Variants in MYO7B observed in about 807,000 individuals in gnomAD.
MYO7B encodes myosin VIIB.
In MYO7B, 212 loss-of-function variants were observed where a neutral mutation model predicts 259.7. That is an observed-to-expected ratio of 0.82 (90% CI 0.73 to 0.91). MYO7B has a LOEUF of 0.91. Ranked by LOEUF, MYO7B falls within the 40% of genes least tolerant of loss-of-function variation. The pLI, the probability that MYO7B is intolerant of heterozygous loss-of-function variation, is 0.00. For missense variants in MYO7B, 2,732 were observed against 2,813.5 expected, an observed-to-expected ratio of 0.97 and a Z score of 0.66; for synonymous variants, 1,197 against 1,166.4, an observed-to-expected ratio of 1.03 and a Z score of -0.54.
At chr2:127,621,257 T>TG (rs1387296708) in intron 27 of MYO7B, among the ~76,000 whole-genome samples, 1 of 150,982 alleles carries the variant, frequency 6.6e-6, no homozygotes, top group African/African-American at 2.4e-5. Flanking sequence ...TCTGCAATTT[T>TG]TTTTTTTGTT....
intron 1 of MYO7B, among the ~76,000 whole-genome samples, chr2:127,544,770 CG>C (rs1429785009): frequency 4.0e-5 from 6 of 151,888 alleles, no homozygotes; most frequent in Admixed American, 3.3e-4. Context: ...TTAGTAGAGA[CG>C]GGGTTTCACC....
rs752652973 is a variant in MYO7B at position 127,569,893 on chromosome 2, C to T, written c.575C>T (p.Ala192Val). 14 of 1,612,350 alleles carry T rather than the reference C, an allele frequency of 8.7e-6. No homozygotes were observed. The highest frequency in any genetic ancestry group is 1.2e-5 in the Non-Finnish European group (14 of 1,179,160). The stretch of plus-strand genomic sequence containing the variant: ...TGGATTGAGCAGCAGGTCCTGGAAG[C>T]CAACCCCATCCTGGAGGGTAAGCAT... ...HSWIEQQVLEANPILEAFGNA... is the reference protein window; with the variant it reads ...HSWIEQQVLEVNPILEAFGNA... Residue 192 changes from alanine (A) to valine (V), a missense_variant, in exon 6 of 48, where the codon GCC (alanine) becomes GTC (valine). Transcript: ENST00000409816.
chr2:127,559,880 C>A lies in MYO7B; in HGVS notation c.18+140C>A. 1 of 994,416 alleles carries A rather than the reference C, an allele frequency of 1.0e-6. No homozygotes were observed. Among genetic ancestry groups the A allele is most frequent in the Non-Finnish European group, 1.6e-6 (1 of 632,960 alleles). 61.6% of individuals were successfully genotyped at this position (994,416 alleles called of 1,614,324 possible). On this transcript the variant is annotated intron_variant, in intron 2 of 47. Coordinates refer to ENST00000409816, the MANE Select transcript of MYO7B (RefSeq NM_001393586.1). This position sits in a 1 kb window ranked among gnomAD's most constrained non-coding sequence, Gnocchi z 4.1. Reference sequence around the variant, plus strand: ...AGACAGGGGAGTTTAGGAAACACGACAGATTCTAGCATCTAAAGAAAACAA... The same window carrying A: ...AGACAGGGGAGTTTAGGAAACACGAAAGATTCTAGCATCTAAAGAAAACAA...
chr2:127,630,804 G>A lies in MYO7B; in HGVS notation c.4833G>A (p.Lys1611=). ...GCTTGCTTGCCATGTCACCAGAGAAGAGGAAGCTGGCGGCTCAGGAGGGGC... is the reference window on the plus strand; with the variant it reads ...GCTTGCTTGCCATGTCACCAGAGAAAAGGAAGCTGGCGGCTCAGGAGGGGC... ...LLSLLAMSPE[K]RKLAAQEGQF... is the part of the protein sequence containing the mutation. The change falls in exon 36 of 48, where the codon AAG becomes AAA. Residue 1611 remains lysine (K), a synonymous_variant. Transcript: ENST00000409816. The A allele has an allele frequency of 1.2e-6, 2 of 1,613,116 alleles. No individual in the cohort carries two copies. The highest frequency in any genetic ancestry group is 1.7e-6 in the Non-Finnish European group (2 of 1,179,816).
At chr2:127,581,835 G>C in intron 10 of MYO7B, 56 bp from the exon 11 acceptor site, 1 of 1,607,678 alleles carries the variant, frequency 6.2e-7, no homozygotes, top group Non-Finnish European at 8.5e-7. Flanking sequence ...GCAGGTCAGA[G>C]TGCTGGGCCA....
Position 127,614,084 on chromosome 2 carries a change from C to T in MYO7B, c.3398+1481C>T, listed in dbSNP as rs2105048316. ...TTCTGACTTAGCTGGTTCTAATTCT[C>T]TCATGGTTAATCCTCACTGGCCACC... On this transcript the variant is annotated intron_variant, in intron 26 of 47. Coordinates refer to ENST00000409816, the MANE Select transcript of MYO7B (RefSeq NM_001393586.1). This position sits in a 1 kb window ranked among gnomAD's most constrained non-coding sequence, Gnocchi z 4.6. 6.6e-6 allele frequency among the ~76,000 whole-genome samples: 1 copy of T among 152,230 alleles called. No homozygotes were observed. The highest frequency in any genetic ancestry group is 1.5e-5 in the Non-Finnish European group (1 of 68,028).
chr2:127,607,302 G>C lies in MYO7B; in HGVS notation c.2521G>C (p.Ala841Pro), dbSNP rs1319585107. ...AMRQRTVQLQ[A>P]LCRGYLVRQQ... The stretch of plus-strand genomic sequence containing the variant: ...GCGGCAGAGGACAGTCCAGCTGCAG[G>C]CCCTGTGCAGGGGATACCTGGTGCG... Residue 841 changes from alanine (A) to proline (P), a missense_variant, in exon 21 of 48, where the codon GCC becomes CCC. Transcript: ENST00000409816. The surrounding 1 kb of genome is among the most constrained non-coding windows in gnomAD (Gnocchi z 4.4). The C allele has an allele frequency of 1.3e-6, 2 of 1,551,318 alleles. No individual in the cohort carries two copies. Among genetic ancestry groups the C allele is most frequent in the Admixed American group, 3.9e-5 (2 of 51,020 alleles).
chr2:127,601,648 T>C (rs1363520581), intron 19 of MYO7B, among the ~76,000 whole-genome samples: 1 of 152,254 alleles, frequency 6.6e-6, no homozygotes, highest in Non-Finnish European at 1.5e-5. Context: ...TTACATGATC[T>C]ATATTTTTCA....
In MYO7B at chr2:127,636,829, C is replaced by T. The variant is rs1334150368; in HGVS notation, c.6243C>T (p.Ser2081=). The change falls in exon 47 of 48, where the codon TCC becomes TCT. Residue 2081 remains serine (S), a synonymous_variant. Coordinates refer to ENST00000409816, the MANE Select transcript of MYO7B (RefSeq NM_001393586.1). This position sits in a 1 kb window ranked among gnomAD's most constrained non-coding sequence, Gnocchi z 4.5. ...LLTTYPFTKI[S]SWSSGSTYFH... is the part of the protein sequence containing the mutation. ...CCACCTATCCCTTCACCAAGATCTC[C>T]AGCTGGAGCAGCGGCAGCACCTACT... 1.9e-6 allele frequency: 3 copies of T among 1,613,606 alleles called. No individual in the cohort carries two copies. The highest frequency in any genetic ancestry group is 2.2e-5 in the East Asian group (1 of 44,880).
rs1387276040 is a variant in MYO7B, at chr2:127,577,354, A to C, written c.849+646A>C. 6.6e-6 allele frequency among the ~76,000 whole-genome samples: 1 copy of C among 151,992 alleles called. No individual in the cohort carries two copies. Among genetic ancestry groups the C allele is most frequent in the African/African-American group, 2.4e-5 (1 of 41,388 alleles). On this transcript the variant is annotated intron_variant, in intron 8 of 47. Coordinates refer to ENST00000409816, the MANE Select transcript of MYO7B (RefSeq NM_001393586.1). The surrounding 1 kb of genome is among the most constrained non-coding windows in gnomAD (Gnocchi z 5.2). Reference sequence around the variant, plus strand: ...TCCCCCATCGCCAGTCTTGACCTCTAATCTGTCATCTACCCTGCAGCCAAA... The same window carrying C: ...TCCCCCATCGCCAGTCTTGACCTCTCATCTGTCATCTACCCTGCAGCCAAA...
At chr2:127,578,434 T>A in intron 9 of MYO7B, 148 bp downstream of exon 9, 1 of 1,069,360 alleles carries the variant, frequency 9.4e-7, no homozygotes. Context: ...CAGCTGTGAT[T>A]TTGGAGGCCT....
chr2:127,607,582 T>C lies in MYO7B; in HGVS notation c.2643+158T>C, dbSNP rs191003515. On this transcript the variant is annotated intron_variant, in intron 21 of 47. Coordinates refer to ENST00000409816, the MANE Select transcript of MYO7B (RefSeq NM_001393586.1). The surrounding 1 kb of genome is among the most constrained non-coding windows in gnomAD (Gnocchi z 4.4). ...GCCAAGACGTTAAAATCTGTTCAAT[T>C]ACTCAAGAGCACAGCAAGGATACAG... 6.6e-6 allele frequency among the ~76,000 whole-genome samples: 1 copy of C among 152,150 alleles called. No homozygotes were observed. Among genetic ancestry groups the C allele is most frequent in the East Asian group, 1.9e-4 (1 of 5,182 alleles).
Position 127,628,343 on chromosome 2 carries a change from C to G in MYO7B, c.4461-29C>G, listed in dbSNP as rs779428502. 1 of 1,579,512 alleles carries G rather than the reference C, an allele frequency of 6.3e-7. No homozygotes were observed. ...CTGGATCAGGGGAAGGTGGAGGGGG[C>G]TCCTGGTCACGCTGTCCTTCATCTC... is the stretch of plus-strand genomic sequence containing the variant. On this transcript the variant is annotated intron_variant, in intron 33 of 47. Transcript: ENST00000409816. The surrounding 1 kb of genome is among the most constrained non-coding windows in gnomAD (Gnocchi z 4.8).
At chr2:127,619,294 G>A (rs1424649530) in intron 26 of MYO7B, among the ~76,000 whole-genome samples, 3 of 117,208 alleles carry the variant, frequency 2.6e-5, no homozygotes, top group Non-Finnish European at 3.6e-5. Context: ...GGTGGTGGGG[G>A]GTGGTTGGGT....
Position 127,584,602 on chromosome 2 carries a change from A to G in MYO7B, c.1555-176A>G, listed in dbSNP as rs2104944404. Among the ~76,000 whole-genome samples, 1 of 152,204 alleles carries G rather than the reference A, an allele frequency of 6.6e-6. No homozygotes were observed. The highest frequency in any genetic ancestry group is 2.1e-4 in the South Asian group (1 of 4,822). On this transcript the variant is annotated intron_variant, in intron 13 of 47. Coordinates refer to ENST00000409816, the MANE Select transcript of MYO7B (RefSeq NM_001393586.1). The surrounding 1 kb of genome is among the most constrained non-coding windows in gnomAD (Gnocchi z 5.8). ...CAGACCCGGCCTCTGCTCCCAGCTC[A>G]GCCCTCACTCCCTGCAACAAGTCAC...
chr2:127,631,480 T>G, intron 37 of MYO7B, 117 bp downstream of exon 37: 1 of 1,539,088 alleles, frequency 6.5e-7, no homozygotes, highest in Non-Finnish European at 8.8e-7. Flanking sequence ...CTGAGAAACC[T>G]GGAGTGGCGG....
At position 127,609,032 on chromosome 2, in the gene MYO7B, C is replaced by T. The variant is rs995760613; in HGVS notation, c.2814+154C>T. Reference sequence around the variant, plus strand: ...GCTGGTCCCACACGGAAGAGGGGAGCGTGCGTGGGTTCTGTGGTCAAAGCC... The same window carrying T: ...GCTGGTCCCACACGGAAGAGGGGAGTGTGCGTGGGTTCTGTGGTCAAAGCC... On this transcript the variant is annotated intron_variant, in intron 22 of 47. Transcript: ENST00000409816. The surrounding 1 kb of genome is among the most constrained non-coding windows in gnomAD (Gnocchi z 6.9). Among the ~76,000 whole-genome samples the T allele has an allele frequency of 6.6e-6, 1 of 152,182 alleles. No individual in the cohort carries two copies.
intron 37 of MYO7B, 95 bp from the exon 38 acceptor site, chr2:127,631,505 A>C: frequency 1.3e-6 from 2 of 1,528,312 alleles, no homozygotes; most frequent in Middle Eastern, 1.8e-4. Flanking sequence ...GAGCCCACAC[A>C]TGGCTCACCG....
Position 127,608,782 on chromosome 2 carries a change from C to T in MYO7B, c.2718C>T (p.Tyr906=), listed in dbSNP as rs1573686610. The change falls in exon 22 of 48, where the codon TAC becomes TAT. Residue 906 remains tyrosine (Y), a synonymous_variant. Transcript: ENST00000409816. ...ALPAKKRRSI[Y]DTVTDTEMVE... Reference sequence around the variant, plus strand: ...CTGCCAAGAAGCGCAGATCCATCTACGACACCGTCACTGACACGGAGATGG... The same window carrying T: ...CTGCCAAGAAGCGCAGATCCATCTATGACACCGTCACTGACACGGAGATGG... 9.9e-6 allele frequency: 16 copies of T among 1,613,484 alleles called. No individual in the cohort carries two copies. The highest frequency in any genetic ancestry group is 4.0e-5 in the African/African-American group (3 of 74,940).
Sources: allele counts gnomAD v4.1 joint callset (sites outside exome capture counted in the v4.1 genomes callset), GRCh38; gene constraint gnomAD v4.1.1; non-coding constraint Gnocchi (gnomAD v3.1); transcripts MANE v1.5; gene names NCBI Gene and HGNC (gene_info 2026-07-23, HGNC 2026-07-21).